The following TMTC3 variants were observed in gnomAD, a reference collection of about 807,000 sequenced individuals.
TMTC3 encodes transmembrane O-mannosyltransferase targeting cadherins 3, also known as protein O-mannosyl-transferase TMTC3.
TMTC3 carries 52 observed loss-of-function variants against 92.2 expected under a neutral mutation model. The observed-to-expected ratio is 0.56, with a 90% confidence interval of 0.45 to 0.71. The LOEUF (loss-of-function observed/expected upper bound fraction) is 0.71. TMTC3 is among the 30% of genes least tolerant of loss of function. The pLI, the probability that TMTC3 is intolerant of heterozygous loss-of-function variation, is 0.00. For synonymous variants in TMTC3, 339 were observed against 363.3 expected (o/e 0.93, Z 0.76); for missense variants, 896 against 1,057.1 (o/e 0.85, Z 2.11).
chr12:88,166,517 T>G lies in TMTC3; in HGVS notation c.985T>G (p.Phe329Val). Residue 329 changes from phenylalanine (F) to valine (V), a missense_variant, in exon 7 of 14, where the codon TTT (phenylalanine) becomes GTT (valine). By Grantham distance (50) the Phe-to-Val change is conservative (BLOSUM62 -1). Transcript: ENST00000266712. ...TCTGGCCACATTTACTTTCTTTTGT[T>G]TTCTGGGGATGTTGGGAGTATTCAG... ...RNLATFTFFCFLGMLGVFSIR... is the reference protein window; with the variant it reads ...RNLATFTFFCVLGMLGVFSIR... 1 of 1,613,966 alleles carries G rather than the reference T, an allele frequency of 6.2e-7. No homozygotes were observed. The highest frequency in any genetic ancestry group is 8.5e-7 in the Non-Finnish European group (1 of 1,179,930).
At chr12:88,180,403 A>G (rs1477151501) in intron 10 of TMTC3, among the ~76,000 whole-genome samples, 1 of 152,132 alleles carries the variant, frequency 6.6e-6, no homozygotes, top group Admixed American at 6.5e-5. Context: ...GGTGAAAGAA[A>G]GGCGGATTTA....
At chr12:88,194,519 C>A (rs2041485450) in intron 13 of TMTC3, among the ~76,000 whole-genome samples, 1 of 152,068 alleles carries the variant, frequency 6.6e-6, no homozygotes, top group Admixed American at 6.6e-5. Context: ...GTTGGCAAAT[C>A]CCATGCTTCT....
chr12:88,149,098 A>G (rs1343507591), intron 2 of TMTC3, among the ~76,000 whole-genome samples: 2 of 152,156 alleles, frequency 1.3e-5, no homozygotes, highest in Admixed American at 1.3e-4. Flanking sequence ...CATATTGCCA[A>G]TTTCTCTTGC....
chr12:88,185,411 A>C (rs2138430457), intron 10 of TMTC3, among the ~76,000 whole-genome samples: 1 of 152,028 alleles, frequency 6.6e-6, no homozygotes, highest in African/African-American at 2.4e-5. Context: ...TGTATGAATC[A>C]AAAACCCATA....
chr12:88,148,905 GA>G (rs2040908521), intron 2 of TMTC3, among the ~76,000 whole-genome samples: 1 of 152,106 alleles, frequency 6.6e-6, no homozygotes, highest in East Asian at 1.9e-4. Flanking sequence ...ATATTTATGT[GA>G]AAACCAAATG....
intron 3 of TMTC3, 99 bp from the exon 4 acceptor site, chr12:88,154,189 T>G (rs2040978493): frequency 2.3e-6 from 2 of 859,522 alleles, no homozygotes; most frequent in African/African-American, 3.5e-5. Context: ...AAATGTGCAC[T>G]TGAAAAGTTA....
At chr12:88,179,365 A>T (rs745888639) in intron 10 of TMTC3, among the ~76,000 whole-genome samples, 1 of 152,226 alleles carries the variant, frequency 6.6e-6, no homozygotes, top group Admixed American at 6.5e-5. Flanking sequence ...GGACTCTGGC[A>T]TCAGACCTTT....
At chr12:88,163,662 T>G (rs2041106658) in intron 6 of TMTC3, among the ~76,000 whole-genome samples, 1 of 91,464 alleles carries the variant, frequency 1.1e-5, no homozygotes, top group Admixed American at 1.4e-4. Context: ...TTCAATCTAC[T>G]TTGTCTTCAC....
intron 12 of TMTC3, 106 bp downstream of exon 12, chr12:88,190,728 A>T (rs973095540): frequency 3.2e-6 from 4 of 1,242,646 alleles, no homozygotes; most frequent in Non-Finnish European, 4.4e-6. Flanking sequence ...TGTTTTTAAT[A>T]ATCTTACTTA....
intron 12 of TMTC3, among the ~76,000 whole-genome samples, chr12:88,191,516 T>C (rs1157793357): frequency 7.2e-5 from 11 of 152,200 alleles, no homozygotes; most frequent in Admixed American, 7.2e-4. Flanking sequence ...AAATATTATT[T>C]GTACATATGT....
At chr12:88,158,217 A>G (rs1592727708) in intron 4 of TMTC3, among the ~76,000 whole-genome samples, 1 of 152,266 alleles carries the variant, frequency 6.6e-6, no homozygotes, top group Middle Eastern at 3.4e-3. Context: ...ATTATTTCCT[A>G]TGAGTTTTTA....
chr12:88,148,568 TA>T, intron 2 of TMTC3, 64 bp downstream of exon 2: 1 of 1,212,882 alleles, frequency 8.2e-7, no homozygotes, highest in East Asian at 2.4e-5. Flanking sequence ...GGTATTTTAT[TA>T]CTTCTAATTC....
chr12:88,166,078 A>G (rs2041140009), intron 6 of TMTC3, among the ~76,000 whole-genome samples: 1 of 152,174 alleles, frequency 6.6e-6, no homozygotes, highest in Non-Finnish European at 1.5e-5. Context: ...TTATTCTAAT[A>G]ATAAACAGAA....
intron 9 of TMTC3, among the ~76,000 whole-genome samples, 170 bp from the exon 10 acceptor site, chr12:88,176,032 TGTTCAG>T (rs2041255407): frequency 1.3e-5 from 2 of 152,312 alleles, no homozygotes; most frequent in Middle Eastern, 3.4e-3. Flanking sequence ...AGTATGTTGG[TGTTCAG>T]GTTCAGGGAG....
chr12:88,166,249 A>G (rs1231063519), intron 6 of TMTC3, 81 bp from the exon 7 acceptor site: 1 of 1,317,496 alleles, frequency 7.6e-7, no homozygotes, highest in Non-Finnish European at 1.0e-6. Flanking sequence ...TAAAATGTTT[A>G]TTGTTTAGTG....
At chr12:88,166,888 T>A (rs1004550855) in intron 7 of TMTC3, among the ~76,000 whole-genome samples, 5 of 152,058 alleles carry the variant, frequency 3.3e-5, no homozygotes, top group African/African-American at 4.8e-5. Flanking sequence ...ATATAAGATA[T>A]ACAACTAGAA....
chr12:88,148,358 G>A lies in TMTC3; in HGVS notation c.43G>A (p.Val15Met). ...AAAAGAAATAACCTTAATAGTAGGT[G>A]TGGTTACTGCCTGCTATTGGAACAG... ...NLKEITLIVG[V>M]VTACYWNSLF... Residue 15 changes from valine (V) to methionine (M), a missense_variant, in exon 2 of 14, where the codon GTG becomes ATG. By Grantham distance (21) the Val-to-Met change is conservative. Transcript: ENST00000266712. 5.6e-6 allele frequency: 9 copies of A among 1,613,450 alleles called. No homozygotes were observed. Among genetic ancestry groups the A allele is most frequent in the Non-Finnish European group, 7.6e-6 (9 of 1,179,644 alleles).
intron 11 of TMTC3, 120 bp downstream of exon 11, chr12:88,189,066 A>ATC: frequency 4.7e-6 from 3 of 639,870 alleles, no homozygotes; most frequent in Non-Finnish European, 5.4e-6. Flanking sequence ...TAAGTTTTAT[A>ATC]AAGAATTACA....
chr12:88,177,652 A>G (rs2041274440), intron 10 of TMTC3, among the ~76,000 whole-genome samples: 2 of 152,200 alleles, frequency 1.3e-5, no homozygotes, highest in African/African-American at 2.4e-5. Context: ...ACTGTATTAC[A>G]GGATATGTAC....
Sources: gnomAD v4.1 joint callset for allele counts (sites outside exome capture counted in the v4.1 genomes callset) on GRCh38, gnomAD v4.1.1 for gene constraint, MANE v1.5 for transcripts, NCBI Gene and HGNC (gene_info 2026-07-23, HGNC 2026-07-21) for gene names.